The following ARF1 variants were observed in gnomAD, a reference collection of about 807,000 sequenced individuals.
ARF1 encodes ARF GTPase 1, also known as ADP-ribosylation factor 1.
Under a neutral mutation model 18.0 loss-of-function variants are expected in ARF1, and 1 was observed. The observed-to-expected ratio is 0.06, with a 90% CI of 0.02 to 0.26. The LOEUF (loss-of-function observed/expected upper bound fraction) is 0.26, where lower values mean the gene tolerates loss of function less well. Ranked by LOEUF, ARF1 falls within the 10% of genes least tolerant of loss-of-function variation. The pLI, the probability that ARF1 is intolerant of heterozygous loss-of-function variation, is 1.00. For missense variants in ARF1, 73 were observed against 247.2 expected, an observed-to-expected ratio of 0.30 and a Z score of 4.73; for synonymous variants, 112 against 96.3, an observed-to-expected ratio of 1.16 and a Z score of -0.95.
rs56003736 is a variant in ARF1, at chr1:228,093,556, A to C, written c.-37-3522A>C. On this transcript the variant is annotated intron_variant, in intron 1 of 4. Transcript: ENST00000272102. ...GACACCTGAGACTTCAGGTTCACCC[A>C]TCCTGGTTCTGCCATTCCATTGCAG... Among the ~76,000 whole-genome samples, 1,028 of 150,544 alleles carry C rather than the reference A, an allele frequency of 6.8e-3. 7 individuals are homozygous for C. The highest frequency in any genetic ancestry group is 0.021 in the African/African-American group (853 of 40,870).
intron 1 of ARF1, among the ~76,000 whole-genome samples, chr1:228,094,106 G>A (rs1009299499): frequency 3.3e-5 from 5 of 152,078 alleles, no homozygotes; most frequent in African/African-American, 4.8e-5. Flanking sequence ...TGTGGATCAC[G>A]GACAGTGCTG....
rs946922103 is a variant in ARF1 at position 228,089,918 on chromosome 1, C to T, written c.-38+7153C>T. Among the ~76,000 whole-genome samples the T allele has an allele frequency of 3.9e-5, 6 of 152,214 alleles. No homozygotes were observed. Among genetic ancestry groups the T allele is most frequent in the Non-Finnish European group, 8.8e-5 (6 of 68,038 alleles). Reference sequence around the variant, plus strand: ...AGTGAACTGGCAAAACTGAGTATCACCCTCTCTTCCTGGGTTCTTGCCACT... The same window carrying T: ...AGTGAACTGGCAAAACTGAGTATCATCCTCTCTTCCTGGGTTCTTGCCACT... On this transcript the variant is annotated intron_variant, in intron 1 of 4. Coordinates refer to ENST00000272102, the MANE Select transcript of ARF1 (RefSeq NM_001658.4). This position sits in a 1 kb window ranked among gnomAD's most constrained non-coding sequence, Gnocchi z 4.1.
intron 1 of ARF1, among the ~76,000 whole-genome samples, chr1:228,096,188 A>G (rs1426897525): frequency 2.0e-5 from 3 of 152,246 alleles, no homozygotes; most frequent in East Asian, 3.9e-4. Context: ...GATTCAGCCA[A>G]AAGCCACCTG....
Position 228,097,466 on chromosome 1 carries a change from GC to G in ARF1, c.259+16del. The G allele has an allele frequency of 6.2e-7, 1 of 1,614,000 alleles. No individual in the cohort carries two copies. Among genetic ancestry groups the G allele is most frequent in the Non-Finnish European group, 8.5e-7 (1 of 1,179,902 alleles). The stretch of plus-strand genomic sequence containing the variant: ...AGAACACACAAGGTAAGTGGCTGGG[GC>G]CTGGTCCCATGGGCACTCCTGCTTC... On this transcript the variant is annotated intron_variant, in intron 3 of 4. Transcript: ENST00000272102. This position sits in a 1 kb window ranked among gnomAD's most constrained non-coding sequence, Gnocchi z 8.1.
At position 228,098,676 on chromosome 1, in the gene ARF1, C is replaced by T. The variant is rs1377066275; in HGVS notation, c.*663C>T. ...CTTGTCCCTGTGCTCCCACGGTTCC[C>T]AGGGGCCAGGCTGGGAGCCCACAGC... On this transcript the variant is annotated 3_prime_UTR_variant, in exon 5 of 5. Coordinates refer to ENST00000272102, the MANE Select transcript of ARF1 (RefSeq NM_001658.4). The T allele has an allele frequency of 5.9e-5, 9 of 152,734 alleles. No individual in the cohort carries two copies. The highest frequency in any genetic ancestry group is 1.9e-4 in the African/African-American group (8 of 41,468). The allele number at this position is 152,734 out of a possible 1,614,324, so 9.5% of individuals were successfully genotyped here. A position where few individuals can be genotyped will look rare whatever the true frequency, so the allele number is the denominator to read the frequency against.
intron 1 of ARF1, among the ~76,000 whole-genome samples, chr1:228,093,688 C>T (rs1459530900): frequency 2.0e-5 from 3 of 151,288 alleles, no homozygotes; most frequent in African/African-American, 4.9e-5. Flanking sequence ...TTTGGGAGGC[C>T]GAGGTGGGCT....
chr1:228,095,977 G>A, intron 1 of ARF1, among the ~76,000 whole-genome samples: 1 of 152,254 alleles, frequency 6.6e-6, no homozygotes, highest in East Asian at 1.9e-4. Context: ...AAAGGACACT[G>A]ATCCAGCTTG....
At chr1:228,090,375 A>G (rs2032540697) in intron 1 of ARF1, 1 of 152,072 alleles carries the variant, frequency 6.6e-6, no homozygotes, top group Admixed American at 6.5e-5. Flanking sequence ...CTGACCTCAA[A>G]CTGCTGGTTC....
chr1:228,097,757 T>TG lies in ARF1; in HGVS notation c.384+45dup. ...GCCTGGGGAATGTGAGGAGCCAGTGTGGGTTCCGCCTGGTGGTAGGGGTTA... is the reference window on the plus strand; with the variant it reads ...GCCTGGGGAATGTGAGGAGCCAGTGTGGGGTTCCGCCTGGTGGTAGGGGTTA... On this transcript the variant is annotated intron_variant, in intron 4 of 4. Coordinates refer to ENST00000272102, the MANE Select transcript of ARF1 (RefSeq NM_001658.4). This position sits in a 1 kb window ranked among gnomAD's most constrained non-coding sequence, Gnocchi z 8.1. 1.3e-6 allele frequency: 2 copies of TG among 1,591,962 alleles called. No individual in the cohort carries two copies. Among genetic ancestry groups the TG allele is most frequent in the East Asian group, 2.2e-5 (1 of 44,710 alleles).
At chr1:228,085,682 A>G (rs1002027266) in intron 1 of ARF1, among the ~76,000 whole-genome samples, 10 of 152,246 alleles carry the variant, frequency 6.6e-5, no homozygotes, top group African/African-American at 2.4e-4. Context: ...CAGGGAAAGC[A>G]TAAAAGGCAG....
Position 228,098,155 on chromosome 1 carries a change from C to T in ARF1, c.*142C>T, listed in dbSNP as rs983751851. On this transcript the variant is annotated 3_prime_UTR_variant, in exon 5 of 5. Coordinates refer to ENST00000272102, the MANE Select transcript of ARF1 (RefSeq NM_001658.4). ...CGCACCGTGCTGTAAATGTGGCAGACGCAGCCTGCGGCCAGGCTTTTTATT... is the reference window on the plus strand; with the variant it reads ...CGCACCGTGCTGTAAATGTGGCAGATGCAGCCTGCGGCCAGGCTTTTTATT... 14 of 1,006,756 alleles carry T rather than the reference C, an allele frequency of 1.4e-5. No homozygotes were observed. The highest frequency in any genetic ancestry group is 2.3e-5 in the South Asian group (1 of 44,090). The allele number at this position is 1,006,756 out of a possible 1,614,324, so 62.4% of individuals were successfully genotyped here. A position where few individuals can be genotyped will look rare whatever the true frequency, so the allele number is the denominator to read the frequency against.
chr1:228,097,848 C>G lies in ARF1; in HGVS notation c.385-4C>G, dbSNP rs1273353400. On this transcript the variant is annotated splice_polypyrimidine_tract_variant and splice_region_variant and intron_variant, in intron 4 of 4. Transcript: ENST00000272102. This position sits in a 1 kb window ranked among gnomAD's most constrained non-coding sequence, Gnocchi z 8.1. ...CCCTTCCCACCAACCCTTCCTTCCC[C>G]CAGGACCTCCCCAACGCCATGAATG... The G allele has an allele frequency of 2.5e-6, 4 of 1,612,936 alleles. No individual in the cohort carries two copies. Among genetic ancestry groups the G allele is most frequent in the Middle Eastern group, 1.7e-4 (1 of 6,056 alleles).
intron 1 of ARF1, among the ~76,000 whole-genome samples, chr1:228,092,906 T>C (rs2032618611): frequency 6.6e-6 from 1 of 152,220 alleles, no homozygotes; most frequent in African/African-American, 2.4e-5. Flanking sequence ...TGTCGGGGAA[T>C]GTAGCTGCCA....
Position 228,099,024 on chromosome 1 carries a change from A to G in ARF1, c.*1011A>G, listed in dbSNP as rs772748962. On this transcript the variant is annotated 3_prime_UTR_variant, in exon 5 of 5. Transcript: ENST00000272102. ...TTTTTTCTTTTGTATTTTGATAAAC[A>G]CTGAAGCTGGAGCTGTTAAATTTAT... 1 of 152,648 alleles carries G rather than the reference A, an allele frequency of 6.6e-6. No individual in the cohort carries two copies. Among genetic ancestry groups the G allele is most frequent in the Non-Finnish European group, 1.5e-5 (1 of 68,040 alleles). 9.5% of individuals were successfully genotyped at this position (152,648 alleles called of 1,614,324 possible).
intron 1 of ARF1, among the ~76,000 whole-genome samples, chr1:228,094,139 T>G (rs1344858765): frequency 6.6e-6 from 1 of 152,024 alleles, no homozygotes; most frequent in East Asian, 1.9e-4. Flanking sequence ...TTGGTGACGG[T>G]GTGACACCCC....
chr1:228,096,037 G>T (rs774367285), intron 1 of ARF1, among the ~76,000 whole-genome samples: 1 of 152,212 alleles, frequency 6.6e-6, no homozygotes, highest in Non-Finnish European at 1.5e-5. Flanking sequence ...AATCAGACAC[G>T]GGCGGCCAGT....
chr1:228,098,020 C>T lies in ARF1; in HGVS notation c.*7C>T, dbSNP rs200690064. On this transcript the variant is annotated 3_prime_UTR_variant, in exon 5 of 5. Coordinates refer to ENST00000272102, the MANE Select transcript of ARF1 (RefSeq NM_001658.4). The stretch of plus-strand genomic sequence containing the variant: ...GCTCCGGAACCAGAAGTGAACGCGA[C>T]CCCCCTCCCTCTCACTCCTCTTGCC... The T allele has an allele frequency of 9.3e-6, 15 of 1,606,674 alleles. No individual in the cohort carries two copies. The highest frequency in any genetic ancestry group is 3.4e-5 in the Admixed American group (2 of 59,616).
chr1:228,086,919 G>A (rs904679282), intron 1 of ARF1, among the ~76,000 whole-genome samples: 9 of 152,320 alleles, frequency 5.9e-5, no homozygotes, highest in South Asian at 4.1e-4. Flanking sequence ...TGAATTAAAC[G>A]ACACCTAGCT....
At chr1:228,096,246 C>T (rs1292752120) in intron 1 of ARF1, among the ~76,000 whole-genome samples, 2 of 152,266 alleles carry the variant, frequency 1.3e-5, no homozygotes, top group Non-Finnish European at 2.9e-5. Context: ...TGGGTGTGCT[C>T]ACAGGCTCCT....
Sources: allele counts gnomAD v4.1 joint callset (sites outside exome capture counted in the v4.1 genomes callset), GRCh38; gene constraint gnomAD v4.1.1; non-coding constraint Gnocchi (gnomAD v3.1); transcripts MANE v1.5; gene names NCBI Gene and HGNC (gene_info 2026-07-23, HGNC 2026-07-21).